Variants in PEF1 observed in about 807,000 individuals in gnomAD.
PEF1 encodes penta-EF-hand domain containing 1, also known as peflin.
In PEF1, 17 loss-of-function variants were observed where a neutral mutation model predicts 32.0. That is an observed-to-expected ratio of 0.53 (90% CI 0.36 to 0.80). PEF1 has a LOEUF of 0.80. PEF1 is among the 30% of genes least tolerant of loss of function. The pLI is 0.00. For missense variants in PEF1, 362 were observed against 369.1 expected (o/e 0.98, Z 0.16); for synonymous variants, 130 against 139.8 (o/e 0.93, Z 0.50).
chr1:31,641,861 T>A (rs1374135310), intron 1 of PEF1, among the ~76,000 whole-genome samples: 1 of 152,252 alleles, frequency 6.6e-6, no homozygotes, highest in Non-Finnish European at 1.5e-5. Context: ...ACACCATACC[T>A]AGCACTTTAC....
In PEF1 at chr1:31,638,454, C is replaced by T. The variant is rs578168900; in HGVS notation, c.25-2932G>A. On this transcript the variant is annotated intron_variant, in intron 1 of 4. Coordinates refer to ENST00000373703, the MANE Select transcript of PEF1 (RefSeq NM_012392.4). Reference sequence around the variant, plus strand: ...GTGGGAACTCTGCAGAATCTGGGCACACCCAAAGAACAGGCCAGACACGAA... The same window carrying T: ...GTGGGAACTCTGCAGAATCTGGGCATACCCAAAGAACAGGCCAGACACGAA... Among the ~76,000 whole-genome samples the T allele has an allele frequency of 8.5e-5, 13 of 152,202 alleles. No individual in the cohort carries two copies. In the South Asian group the frequency reaches 2.3e-3, roughly 27 times the overall value.
intron 1 of PEF1, among the ~76,000 whole-genome samples, chr1:31,640,177 G>C (rs1236703621): frequency 6.6e-6 from 1 of 152,144 alleles, no homozygotes; most frequent in South Asian, 2.1e-4. Flanking sequence ...GGGGGGACTG[G>C]GGGCAACAAA....
At chr1:31,633,459 T>C (rs886725182) in intron 2 of PEF1, 145 bp from the exon 3 acceptor site, 18 of 886,600 alleles carry the variant, frequency 2.0e-5, no homozygotes, top group Admixed American at 9.0e-5. Flanking sequence ...CTTACTCTGA[T>C]GGAAGAGGAC....
intron 1 of PEF1, among the ~76,000 whole-genome samples, chr1:31,641,369 C>T (rs1340220755): frequency 1.3e-5 from 2 of 152,168 alleles, no homozygotes; most frequent in Non-Finnish European, 2.9e-5. Context: ...TGCTTCAATC[C>T]ATTCTCACAG....
chr1:31,642,352 C>T lies in PEF1; in HGVS notation c.24+2489G>A, dbSNP rs183939038. ...GGGATTTGAAATCAACTCTCTCTGG[C>T]CTCAAAAACTAAGCTCTTAAGCACT... is the stretch of plus-strand genomic sequence containing the variant. On this transcript the variant is annotated intron_variant, in intron 1 of 4. Coordinates refer to ENST00000373703, the MANE Select transcript of PEF1 (RefSeq NM_012392.4). 1.1e-3 allele frequency among the ~76,000 whole-genome samples: 163 copies of T among 152,286 alleles called. 1 individual carries two copies. Among genetic ancestry groups the T allele is most frequent in the Non-Finnish European group, 1.8e-3 (124 of 68,024 alleles).
At chr1:31,638,595 C>T (rs547472651) in intron 1 of PEF1, among the ~76,000 whole-genome samples, 1 of 152,368 alleles carries the variant, frequency 6.6e-6, no homozygotes, top group East Asian at 1.9e-4. Context: ...CATCCCCAGG[C>T]CAACAAAGCA....
At position 31,633,146 on chromosome 1, in the gene PEF1, G is replaced by A. The variant is rs762935847; in HGVS notation, c.481+13C>T. 5.6e-6 allele frequency: 9 copies of A among 1,610,480 alleles called. No homozygotes were observed. The East Asian group carries it at 1.1e-4, about 20-fold the overall frequency. On this transcript the variant is annotated intron_variant, in intron 3 of 4. Coordinates refer to ENST00000373703, the MANE Select transcript of PEF1 (RefSeq NM_012392.4). ...TGCCCCAGCTCAGGCCCAAGGGCAA[G>A]GCGGAGACTCACTTATCATCATGAG...
chr1:31,633,943 G>A (rs1255806954), intron 2 of PEF1, among the ~76,000 whole-genome samples: 10 of 143,100 alleles, frequency 7.0e-5, no homozygotes, highest in Non-Finnish European at 1.4e-4. Flanking sequence ...CAACAAAAGC[G>A]AAACTCCATC....
chr1:31,633,340 C>A (rs778161160), intron 2 of PEF1, 26 bp from the exon 3 acceptor site: 4 of 1,589,434 alleles, frequency 2.5e-6, no homozygotes, highest in Non-Finnish European at 3.4e-6. Flanking sequence ...TGAAGGCCAT[C>A]AACAGAAATG....
At chr1:31,631,759 G>C (rs1414622029) in intron 4 of PEF1, among the ~76,000 whole-genome samples, 4 of 152,196 alleles carry the variant, frequency 2.6e-5, no homozygotes, top group Admixed American at 2.6e-4. Context: ...AAGAGTAGGT[G>C]ATTACTATAG....
chr1:31,632,710 T>C (rs981719456), intron 3 of PEF1, 72 bp from the exon 4 acceptor site: 315 of 1,533,746 alleles, frequency 2.1e-4, no homozygotes, highest in East Asian at 8.5e-4. Flanking sequence ...TCAGGACCCA[T>C]TGAGGCAGCC....
Position 31,644,821 on chromosome 1 carries a change from CG to C in PEF1, c.24+19del. ...CTGGCACCGCCGCTACCTGGATTCG[CG>C]GGCCCCTCACACACTCACCTGCCGG... is the stretch of plus-strand genomic sequence containing the variant. On this transcript the variant is annotated intron_variant, in intron 1 of 4. Transcript: ENST00000373703. The C allele has an allele frequency of 6.2e-7, 1 of 1,613,652 alleles. No individual in the cohort carries two copies. The highest frequency in any genetic ancestry group is 8.5e-7 in the Non-Finnish European group (1 of 1,179,768).
rs1313849281 is a variant in PEF1, at chr1:31,630,786, G to A, written c.682C>T (p.Arg228Cys). 15 of 1,613,538 alleles carry A rather than the reference G, an allele frequency of 9.3e-6. No homozygotes were observed. The highest frequency in any genetic ancestry group is 6.7e-5 in the Admixed American group (4 of 60,002). Residue 228 changes from arginine to cysteine, a missense_variant, in exon 5 of 5, where the codon CGC becomes TGC. By Grantham distance (180) the Arg-to-Cys change is radical. Coordinates refer to ENST00000373703, the MANE Select transcript of PEF1 (RefSeq NM_012392.4). The stretch of plus-strand genomic sequence containing the variant: ...GGATTGGCAGAGCGTGGGCAGTAGC[G>A]GGAGACCAGAAGCTGGGTGAACTGG... ...SPQFTQLLVS[R>C]YCPRSANPAM...
chr1:31,638,050 C>G (rs922911192), intron 1 of PEF1, among the ~76,000 whole-genome samples: 3 of 152,134 alleles, frequency 2.0e-5, no homozygotes, highest in Non-Finnish European at 2.9e-5. Flanking sequence ...TGTGTAACGT[C>G]TAACAAAACA....
At chr1:31,636,209 G>A (rs970017763) in intron 1 of PEF1, among the ~76,000 whole-genome samples, 1 of 152,176 alleles carries the variant, frequency 6.6e-6, no homozygotes, top group Non-Finnish European at 1.5e-5. Flanking sequence ...GTCTGAGGCG[G>A]GCAGACTGCT....
rs547289724 is a variant in PEF1 at position 31,635,717 on chromosome 1, G to A, written c.25-195C>T. Among the ~76,000 whole-genome samples, 7 of 152,218 alleles carry A rather than the reference G, an allele frequency of 4.6e-5. No homozygotes were observed. In the East Asian group the frequency reaches 7.7e-4, roughly 17 times the overall value. ...GCAACGAGTTACCCAAAGTCACCCC[G>A]CCAATGACCTGCAGAGTCAGGGTTG... is the stretch of plus-strand genomic sequence containing the variant. On this transcript the variant is annotated intron_variant, in intron 1 of 4. Transcript: ENST00000373703.
chr1:31,631,746 G>A (rs1237450622), intron 4 of PEF1, among the ~76,000 whole-genome samples: 1 of 152,188 alleles, frequency 6.6e-6, no homozygotes, highest in Non-Finnish European at 1.5e-5. Context: ...GACAAAAGCT[G>A]GCAAGAGTAG....
intron 2 of PEF1, among the ~76,000 whole-genome samples, chr1:31,633,890 G>A (rs1400842770): frequency 2.0e-5 from 3 of 152,022 alleles, no homozygotes; most frequent in Non-Finnish European, 1.5e-5. Flanking sequence ...GGGAGGTGGA[G>A]GTTGTGGTGA....
chr1:31,631,623 T>C (rs1640105873), intron 4 of PEF1, among the ~76,000 whole-genome samples: 1 of 152,154 alleles, frequency 6.6e-6, no homozygotes, highest in Non-Finnish European at 1.5e-5. Flanking sequence ...GGGTGTGGAA[T>C]TATAAATAGT....
Sources: gnomAD v4.1 joint callset for allele counts (sites outside exome capture counted in the v4.1 genomes callset) on GRCh38, gnomAD v4.1.1 for gene constraint, MANE v1.5 for transcripts, NCBI Gene and HGNC (gene_info 2026-07-23, HGNC 2026-07-21) for gene names.